DLC1: variants seen among roughly 807,000 people sequenced by gnomAD.
The protein encoded by DLC1 is DLC1 Rho GTPase activating protein.
In DLC1, 54 loss-of-function variants were observed where a neutral mutation model predicts 140.3. The observed-to-expected ratio is 0.38, with a 90% CI of 0.31 to 0.48. DLC1 has a LOEUF of 0.48. Among genes scored for constraint, DLC1 ranks in the 20% least tolerant of loss-of-function variants. The probability of loss-of-function intolerance (pLI) is 0.96; values close to 1 mark genes in which losing one functional copy is unlikely to be tolerated. For synonymous variants in DLC1, 986 were observed against 728.1 expected (o/e 1.35, Z -5.70); for missense variants, 2,536 against 1,907.0 (o/e 1.33, Z -6.14).
intron 4 of DLC1, among the ~76,000 whole-genome samples, chr8:13,333,570 C>T (rs1301338058): frequency 6.6e-6 from 1 of 152,176 alleles, no homozygotes; most frequent in Non-Finnish European, 1.5e-5. Flanking sequence ...TTTTCTAAGA[C>T]TGAAACTGCT....
At chr8:13,175,294 T>G (rs564926601) in intron 5 of DLC1, among the ~76,000 whole-genome samples, 1 of 135,460 alleles carries the variant, frequency 7.4e-6, no homozygotes, top group Non-Finnish European at 1.5e-5. Flanking sequence ...GGTAATGTGA[T>G]GCCTCCAGCT....
At chr8:13,205,027 G>T (rs535574176) in intron 5 of DLC1, among the ~76,000 whole-genome samples, 74 of 152,082 alleles carry the variant, frequency 4.9e-4, no homozygotes, top group Non-Finnish European at 8.8e-4. Flanking sequence ...TTGCAACATG[G>T]CATTTTGCAA....
At chr8:13,452,111 A>G (rs1300103911) in intron 2 of DLC1, among the ~76,000 whole-genome samples, 1 of 152,046 alleles carries the variant, frequency 6.6e-6, no homozygotes, top group Non-Finnish European at 1.5e-5. Context: ...AATCTTATAT[A>G]AAAGATGCAA....
chr8:13,342,734 A>G (rs1375654356), intron 4 of DLC1: 7 of 152,998 alleles, frequency 4.6e-5, no homozygotes, highest in Admixed American at 4.6e-4. Flanking sequence ...TGTAAGCCAA[A>G]TTAAAATCTC....
chr8:13,305,412 C>G, intron 4 of DLC1, 110 bp from the exon 5 acceptor site: 1 of 1,139,192 alleles, frequency 8.8e-7, no homozygotes, highest in Non-Finnish European at 1.2e-6. Context: ...ATAGAGAATG[C>G]CAATAGAAAA....
intron 5 of DLC1, among the ~76,000 whole-genome samples, chr8:13,172,678 T>C (rs527715198): frequency 1.3e-5 from 2 of 152,316 alleles, no homozygotes; most frequent in South Asian, 4.1e-4. Flanking sequence ...TGAACAAGCT[T>C]TGAATATAGA....
chr8:13,368,357 C>A (rs1835585908), intron 4 of DLC1, among the ~76,000 whole-genome samples: 1 of 152,058 alleles, frequency 6.6e-6, no homozygotes, highest in Non-Finnish European at 1.5e-5. Flanking sequence ...AACTTGGCAT[C>A]CTCTTCATAG....
intron 5 of DLC1, among the ~76,000 whole-genome samples, chr8:13,135,085 C>A (rs1193950500): frequency 6.6e-6 from 1 of 152,032 alleles, no homozygotes; most frequent in East Asian, 1.9e-4. Context: ...AAGAGCCCAC[C>A]GTCACCAGCA....
rs546216093 is a variant in DLC1, at chr8:13,373,479, A to G, written c.1314+20074T>C. On this transcript the variant is annotated intron_variant, in intron 4 of 17. Coordinates refer to ENST00000276297, the MANE Select transcript of DLC1 (RefSeq NM_182643.3). ...TTGTTAGTTAAACCCAGTTGTCCTG[A>G]TCTGTTCCCTTTCTCAATTATATAT... Among the ~76,000 whole-genome samples the G allele has an allele frequency of 2.0e-5, 3 of 152,276 alleles. No homozygotes were observed. The South Asian group carries it at 6.2e-4, about 32-fold the overall frequency.
At chr8:13,381,227 G>T (rs1229857638) in intron 4 of DLC1, among the ~76,000 whole-genome samples, 2 of 152,198 alleles carry the variant, frequency 1.3e-5, no homozygotes, top group African/African-American at 4.8e-5. Flanking sequence ...ATGGCATCGT[G>T]TAAGGGCCTG....
intron 1 of DLC1, among the ~76,000 whole-genome samples, chr8:13,574,756 A>G (rs1427426166): frequency 1.3e-5 from 2 of 152,342 alleles, no homozygotes. Flanking sequence ...TGGTGATGCC[A>G]GACTGAGAGA....
intron 2 of DLC1, among the ~76,000 whole-genome samples, chr8:13,402,764 A>T (rs1156426830): frequency 6.6e-6 from 1 of 152,178 alleles, no homozygotes; most frequent in East Asian, 1.9e-4. Context: ...CTGAATCACA[A>T]CTTCATTTTT....
At chr8:13,576,585 A>T (rs985775602) in intron 1 of DLC1, among the ~76,000 whole-genome samples, 1 of 152,232 alleles carries the variant, frequency 6.6e-6, no homozygotes, top group African/African-American at 2.4e-5. Context: ...TTTCTTACAG[A>T]TAGAGAAGTC....
At chr8:13,427,121 T>C (rs1377541788) in intron 2 of DLC1, among the ~76,000 whole-genome samples, 1 of 152,190 alleles carries the variant, frequency 6.6e-6, no homozygotes, top group Admixed American at 6.5e-5. Flanking sequence ...TTTGTCTTCA[T>C]ACAAATGTAT....
chr8:13,184,240 A>G (rs1431632348), intron 5 of DLC1, among the ~76,000 whole-genome samples: 1 of 151,788 alleles, frequency 6.6e-6, no homozygotes, highest in Non-Finnish European at 1.5e-5. Context: ...CTGTCTATCA[A>G]TTTTGTTGAT....
chr8:13,230,482 C>A (rs1233783205), intron 5 of DLC1, among the ~76,000 whole-genome samples: 1 of 152,176 alleles, frequency 6.6e-6, no homozygotes, highest in Non-Finnish European at 1.5e-5. Flanking sequence ...TATCACTCTT[C>A]CTCTTTCAGG....
chr8:13,581,228 C>G (rs1158806714), intron 1 of DLC1, among the ~76,000 whole-genome samples: 1 of 152,198 alleles, frequency 6.6e-6, no homozygotes, highest in East Asian at 1.9e-4. Context: ...CACACATTTT[C>G]TATTTAAATT....
intron 2 of DLC1, among the ~76,000 whole-genome samples, chr8:13,432,815 A>G (rs962298187): frequency 2.0e-5 from 3 of 152,184 alleles, no homozygotes; most frequent in Non-Finnish European, 4.4e-5. Flanking sequence ...AAATGAAGAC[A>G]GTGACATTAG....
Position 13,569,653 on chromosome 8 carries a change from C to T in DLC1, c.-126+34884G>A, listed in dbSNP as rs1473064670. Among the ~76,000 whole-genome samples, 3 of 152,160 alleles carry T rather than the reference C, an allele frequency of 2.0e-5. No individual in the cohort carries two copies. In the East Asian group the frequency reaches 5.8e-4, roughly 29 times the overall value. ...TTCAACTCAACCCCAAGCTATTTTT[C>T]AGCAAGACTTTCAGCATACAGTTCC... On this transcript the variant is annotated intron_variant, in intron 1 of 1. Transcript: ENST00000631382.
Sources: allele counts gnomAD v4.1 joint callset (sites outside exome capture counted in the v4.1 genomes callset), GRCh38; gene constraint gnomAD v4.1.1; transcripts MANE v1.5; gene names NCBI Gene and HGNC (gene_info 2026-07-23, HGNC 2026-07-21).